Variants in STRN observed in about 807,000 individuals in gnomAD.
STRN encodes the protein protein phosphatase 2 regulatory subunit B'''alpha.
In STRN, 53 loss-of-function variants were observed where a neutral mutation model predicts 96.3. The ratio of observed to expected loss-of-function variants is 0.55; its 90% CI spans 0.44 to 0.69. STRN has a LOEUF of 0.69. STRN is among the 30% of genes least tolerant of loss of function. STRN has a pLI of 0.00. For missense variants in STRN, 987 were observed against 963.9 expected (o/e 1.02, Z -0.32); for synonymous variants, 428 against 355.9 (o/e 1.20, Z -2.28).
At chr2:36,940,839 A>T (rs1413097016) in intron 1 of STRN, among the ~76,000 whole-genome samples, 1 of 123,830 alleles carries the variant, frequency 8.1e-6, no homozygotes, top group African/African-American at 3.6e-5. Context: ...TCTGTCTCAA[A>T]AAAAAAAAAA....
chr2:36,919,497 A>G (rs1452855477), intron 2 of STRN, among the ~76,000 whole-genome samples: 1 of 152,144 alleles, frequency 6.6e-6, no homozygotes, highest in Non-Finnish European at 1.5e-5. Context: ...AAAAACACAC[A>G]CAGTGGGTCA....
intron 10 of STRN, among the ~76,000 whole-genome samples, chr2:36,871,267 C>A (rs1178335179): frequency 6.6e-6 from 1 of 152,216 alleles, no homozygotes; most frequent in Non-Finnish European, 1.5e-5. Context: ...CACTCACTCA[C>A]TGACTCATTC....
rs937197451 is a variant in STRN, at chr2:36,884,172, T to C, written c.1043-97A>G. 5 of 1,087,978 alleles carry C rather than the reference T, an allele frequency of 4.6e-6. No homozygotes were observed. In the African/African-American group the frequency reaches 6.5e-5, roughly 14 times the overall value. The allele number at this position is 1,087,978 out of a possible 1,614,324, so 67.4% of individuals were successfully genotyped here. A position where few individuals can be genotyped will look rare whatever the true frequency, so the allele number is the denominator to read the frequency against. ...TATTATAAGCCTTATTTTCCATCTG[T>C]CAATATTTACCTTTAAAAATATTCT... On this transcript the variant is annotated intron_variant, in intron 8 of 17. Transcript: ENST00000263918.
chr2:36,841,497 G>T lies in STRN; in HGVS notation c.*7959C>A, dbSNP rs916794062. 1 of 152,054 alleles carries T rather than the reference G, an allele frequency of 6.6e-6. No homozygotes were observed. The highest frequency in any genetic ancestry group is 2.4e-5 in the African/African-American group (1 of 41,406). 9.4% of individuals were successfully genotyped at this position (152,054 alleles called of 1,614,324 possible). A position where few individuals can be genotyped will look rare whatever the true frequency, so the allele number is the denominator to read the frequency against. ...ACTGAGTGATATTATTCTATCAAGAGGATATTCTGAAATACGTGGGCTATC... is the reference window on the plus strand; with the variant it reads ...ACTGAGTGATATTATTCTATCAAGATGATATTCTGAAATACGTGGGCTATC... On this transcript the variant is annotated 3_prime_UTR_variant, in exon 18 of 18. Coordinates refer to ENST00000263918, the MANE Select transcript of STRN (RefSeq NM_003162.4).
At chr2:36,964,918 T>C (rs760218230) in intron 1 of STRN, among the ~76,000 whole-genome samples, 8 of 152,184 alleles carry the variant, frequency 5.3e-5, no homozygotes, top group Non-Finnish European at 7.3e-5. Flanking sequence ...ACACAGGTGC[T>C]GAATAAAATA....
intron 1 of STRN, 44 bp downstream of exon 1, chr2:36,966,186 G>A (rs1289216164): frequency 6.0e-6 from 9 of 1,490,348 alleles, no homozygotes; most frequent in African/African-American, 2.9e-5. Context: ...GCGGAAGGGA[G>A]CAAAGAGGCG....
chr2:36,966,049 G>C (rs1285744495), intron 1 of STRN, among the ~76,000 whole-genome samples, 181 bp downstream of exon 1: 2 of 151,700 alleles, frequency 1.3e-5, no homozygotes, highest in African/African-American at 2.4e-5. Context: ...GAACAGGGTC[G>C]AGGTGGGGTC....
chr2:36,908,998 G>GAAA (rs34538183), intron 3 of STRN, among the ~76,000 whole-genome samples: 63,123 of 146,846 alleles, frequency 0.43, 13,588 homozygotes, highest in South Asian at 0.5. Flanking sequence ...AAACACCCCA[G>GAAA]AAAAAAAAAT....
At chr2:36,918,072 A>C (rs576655663) in intron 2 of STRN, among the ~76,000 whole-genome samples, 70 of 152,278 alleles carry the variant, frequency 4.6e-4, no homozygotes, top group African/African-American at 1.6e-3. Flanking sequence ...TTGATTAATT[A>C]ACTATATAGA....
At chr2:36,853,067 G>C (rs1355269401) in intron 15 of STRN, among the ~76,000 whole-genome samples, 2 of 152,124 alleles carry the variant, frequency 1.3e-5, no homozygotes, top group East Asian at 1.9e-4. Flanking sequence ...TGAGGCAGGA[G>C]AATCGCTTGA....
chr2:36,869,413 A>T, intron 11 of STRN, 141 bp downstream of exon 11: 1 of 862,560 alleles, frequency 1.2e-6, no homozygotes, highest in Non-Finnish European at 1.7e-6. Flanking sequence ...TATAAATGGA[A>T]AAACACAATA....
chr2:36,911,297 G>C (rs1012874883), intron 3 of STRN, among the ~76,000 whole-genome samples: 7 of 152,166 alleles, frequency 4.6e-5, no homozygotes, highest in African/African-American at 7.2e-5. Context: ...AACTATGATA[G>C]ATGCAAACTG....
chr2:36,851,168 G>T (rs1024142529), intron 15 of STRN, 61 bp from the exon 16 acceptor site: 1 of 1,414,316 alleles, frequency 7.1e-7, no homozygotes, highest in Non-Finnish European at 9.9e-7. Context: ...ACACAAAGGA[G>T]AACTGAATTA....
At chr2:36,886,344 G>A (rs906284809) in intron 8 of STRN, among the ~76,000 whole-genome samples, 2 of 152,112 alleles carry the variant, frequency 1.3e-5, no homozygotes, top group African/African-American at 4.8e-5. Flanking sequence ...TTGGTGGATT[G>A]CCAGAGGGTC....
chr2:36,966,210 C>G lies in STRN; in HGVS notation c.234+20G>C, dbSNP rs755261251. 17 of 1,534,724 alleles carry G rather than the reference C, an allele frequency of 1.1e-5. No homozygotes were observed. Among genetic ancestry groups the G allele is most frequent in the Non-Finnish European group, 1.5e-5 (17 of 1,141,836 alleles). On this transcript the variant is annotated intron_variant, in intron 1 of 17. Transcript: ENST00000263918. ...AGCAAAGAGGCGGGATGAAGACGGC[C>G]AGGCCGGGAGGGTCTTTACCTGCAG...
chr2:36,940,240 G>C (rs1256116665), intron 1 of STRN, among the ~76,000 whole-genome samples: 1 of 151,970 alleles, frequency 6.6e-6, no homozygotes, highest in African/African-American at 2.4e-5. Flanking sequence ...AGTAATAGAA[G>C]AAATATAAGA....
At chr2:36,928,651 TA>T (rs1255276491) in intron 1 of STRN, among the ~76,000 whole-genome samples, 1,046 of 68,812 alleles carry the variant, frequency 0.015, 12 homozygotes, top group African/African-American at 0.051. Flanking sequence ...GACTCCATCT[TA>T]AAAAAAAAAA....
rs962283193 is a variant in STRN, at chr2:36,837,949, T to A, written c.*11507A>T. On this transcript the variant is annotated 3_prime_UTR_variant, in exon 18 of 18. Coordinates refer to ENST00000263918, the MANE Select transcript of STRN (RefSeq NM_003162.4). ...TACGAATATTTGTGGTAGGCAGAAT[T>A]CTAAGATGGCCCCCATGAACTCTGC... 1.3e-5 allele frequency among the ~76,000 whole-genome samples: 2 copies of A among 152,214 alleles called. No individual in the cohort carries two copies. Among genetic ancestry groups the A allele is most frequent in the African/African-American group, 4.8e-5 (2 of 41,460 alleles).
intron 10 of STRN, 147 bp downstream of exon 10, chr2:36,877,744 C>T: frequency 4.0e-6 from 3 of 757,152 alleles, no homozygotes; most frequent in South Asian, 4.2e-5. Context: ...CAATGTTGGC[C>T]AGGCTGGTTT....
Sources: gnomAD v4.1 joint callset for allele counts (sites outside exome capture counted in the v4.1 genomes callset) on GRCh38, gnomAD v4.1.1 for gene constraint, MANE v1.5 for transcripts, NCBI Gene and HGNC (gene_info 2026-07-23, HGNC 2026-07-21) for gene names.